Variants in CSMD3 observed in about 807,000 individuals in gnomAD.
CSMD3 encodes CUB and sushi domain-containing protein 3.
A neutral mutation model predicts 435.2 loss-of-function variants in CSMD3; 177 were observed. The observed-to-expected ratio is 0.41, with a 90% CI of 0.36 to 0.46. The LOEUF is 0.46. Among genes scored for constraint, CSMD3 ranks in the 20% least tolerant of loss-of-function variants. CSMD3 has a pLI of 0.34. For missense variants in CSMD3, 4,265 were observed against 4,504.6 expected (o/e 0.95, Z 1.52); for synonymous variants, 1,656 against 1,520.5 (o/e 1.09, Z -2.07).
intron 5 of CSMD3, among the ~76,000 whole-genome samples, chr8:113,096,846 C>T (rs1239632090): frequency 2.6e-5 from 4 of 152,078 alleles, no homozygotes; most frequent in Non-Finnish European, 5.9e-5. Context: ...TTCATCAGGA[C>T]TTTGCTCAAA....
intron 38 of CSMD3, among the ~76,000 whole-genome samples, chr8:112,356,128 T>G (rs945975871): frequency 6.6e-6 from 1 of 152,084 alleles, no homozygotes; most frequent in African/African-American, 2.4e-5. Flanking sequence ...AGTTTGGAGA[T>G]TTCTCAAGGA....
chr8:113,108,326 G>C (rs754797757), intron 4 of CSMD3, among the ~76,000 whole-genome samples: 1 of 151,836 alleles, frequency 6.6e-6, no homozygotes, highest in Non-Finnish European at 1.5e-5. Context: ...TACTCAGGAG[G>C]CTGATGCAGG....
At chr8:113,141,536 C>T (rs2091547924) in intron 4 of CSMD3, among the ~76,000 whole-genome samples, 1 of 150,750 alleles carries the variant, frequency 6.6e-6, no homozygotes. Flanking sequence ...ATTTGAATGT[C>T]AATCATTATA....
intron 3 of CSMD3, among the ~76,000 whole-genome samples, chr8:113,226,777 GT>G (rs2132163061): frequency 6.6e-6 from 1 of 151,708 alleles, no homozygotes; most frequent in South Asian, 2.1e-4. Context: ...CCTTGAAGCT[GT>G]TGCGGAAGTA....
chr8:112,788,081 C>A (rs2078597005), intron 13 of CSMD3, among the ~76,000 whole-genome samples: 1 of 151,984 alleles, frequency 6.6e-6, no homozygotes, highest in Admixed American at 6.6e-5. Flanking sequence ...ATATCCCTAC[C>A]ATGTACCCAT....
At chr8:112,582,736 C>A (rs1332885632) in intron 23 of CSMD3, among the ~76,000 whole-genome samples, 1 of 151,968 alleles carries the variant, frequency 6.6e-6, no homozygotes, top group Non-Finnish European at 1.5e-5. Flanking sequence ...AAAATCCTAA[C>A]CCTCAAGGTG....
chr8:113,066,925 G>A (rs969508493), intron 5 of CSMD3, among the ~76,000 whole-genome samples: 1 of 152,040 alleles, frequency 6.6e-6, no homozygotes, highest in African/African-American at 2.4e-5. Flanking sequence ...GGGTGGGAAT[G>A]ATGCCATTTT....
chr8:113,356,204 G>A (rs1024576522), intron 1 of CSMD3, among the ~76,000 whole-genome samples: 14 of 151,826 alleles, frequency 9.2e-5, no homozygotes, highest in Non-Finnish European at 1.9e-4. Flanking sequence ...ACCAAAATTT[G>A]AGCATTAGGA....
At chr8:113,099,361 C>CTT (rs1350536153) in intron 4 of CSMD3, among the ~76,000 whole-genome samples, 3 of 151,852 alleles carry the variant, frequency 2.0e-5, no homozygotes, top group Non-Finnish European at 4.4e-5. Context: ...GACGGAAGAG[C>CTT]TTTTTGGTTT....
chr8:113,149,168 C>A (rs1470868708), intron 4 of CSMD3, among the ~76,000 whole-genome samples: 2 of 151,702 alleles, frequency 1.3e-5, no homozygotes, highest in Non-Finnish European at 2.9e-5. Context: ...TAAATTTAAA[C>A]TCTTAAAGGG....
intron 3 of CSMD3, among the ~76,000 whole-genome samples, chr8:113,201,944 A>C (rs1588265625): frequency 3.3e-5 from 5 of 152,020 alleles, no homozygotes; most frequent in Admixed American, 3.3e-4. Context: ...GGTATTACAC[A>C]CCCTATAGCT....
chr8:112,559,397 GGA>G (rs1436630064), intron 24 of CSMD3, among the ~76,000 whole-genome samples: 1 of 151,810 alleles, frequency 6.6e-6, no homozygotes, highest in Non-Finnish European at 1.5e-5. Context: ...TTCCAGGAGA[GGA>G]GAGAGAGAAA....
chr8:112,308,782 T>C (rs1420858), intron 50 of CSMD3, among the ~76,000 whole-genome samples: 102,159 of 151,830 alleles, frequency 0.67, 36,138 homozygotes, highest in African/African-American at 0.89. Context: ...TAATTTTCTA[T>C]GTTTATCCTC....
chr8:112,283,632 A>G (rs1392701958), intron 58 of CSMD3, among the ~76,000 whole-genome samples: 1 of 151,486 alleles, frequency 6.6e-6, no homozygotes, highest in East Asian at 1.9e-4. Context: ...GTATCTTTCT[A>G]TCATAAAGTT....
Position 112,310,998 on chromosome 8 carries a change from G to A in CSMD3, c.7865C>T (p.Ala2622Val), listed in dbSNP as rs752866181. The A allele has an allele frequency of 7.4e-6, 12 of 1,613,406 alleles. No homozygotes were observed. Among genetic ancestry groups the A allele is most frequent in the Admixed American group, 1.7e-5 (1 of 59,974 alleles). The change falls in exon 50 of 71, where the codon GCG becomes GTG. Residue 2622 changes from alanine to valine, a missense_variant. Around this residue, in one of 3 missense-constraint regions of CSMD3, gnomAD observed 3,255 missense variants for 3,380.2 expected, o/e 0.96. Coordinates refer to ENST00000297405, the MANE Select transcript of CSMD3 (RefSeq NM_198123.2). The stretch of plus-strand genomic sequence containing the variant: ...TTCACCTTGACAGGCAGGGACTGGC[G>A]CATCCCATGCATGATACCCATAGGA... The part of the protein sequence containing the change: ...KSSYGYHAWD[A>V]PVPACQAISC...
intron 1 of CSMD3, among the ~76,000 whole-genome samples, chr8:113,361,598 A>T (rs890183652): frequency 6.6e-6 from 1 of 152,132 alleles, no homozygotes; most frequent in African/African-American, 2.4e-5. Flanking sequence ...TCATTATTAT[A>T]TCATAAAAAG....
chr8:112,400,714 G>A (rs1157656049), intron 35 of CSMD3, among the ~76,000 whole-genome samples: 1 of 152,092 alleles, frequency 6.6e-6, no homozygotes, highest in Non-Finnish European at 1.5e-5. Flanking sequence ...TTAGTTCCTG[G>A]TGTTAGCTAC....
chr8:113,380,054 C>T (rs1310399231), intron 1 of CSMD3, among the ~76,000 whole-genome samples: 3 of 152,124 alleles, frequency 2.0e-5, no homozygotes, highest in Admixed American at 6.6e-5. Flanking sequence ...AAACTTGCCC[C>T]CATTTGCATA....
chr8:112,500,369 A>G (rs1227343422), intron 30 of CSMD3, among the ~76,000 whole-genome samples: 2 of 152,326 alleles, frequency 1.3e-5, no homozygotes, highest in East Asian at 3.9e-4. Context: ...GCTAATCTAA[A>G]TATATTTACA....
Sources: allele counts gnomAD v4.1 joint callset (sites outside exome capture counted in the v4.1 genomes callset), GRCh38; gene constraint gnomAD v4.1.1; regional missense constraint gnomAD v4.1.1; transcripts MANE v1.5; gene names NCBI Gene and HGNC (gene_info 2026-07-23, HGNC 2026-07-21).